Variants in TRAPPC9 observed in about 807,000 individuals in gnomAD.
TRAPPC9 encodes IKK2 binding protein.
In TRAPPC9, 83 loss-of-function variants were observed where a neutral mutation model predicts 124.0. The ratio of observed to expected loss-of-function variants is 0.67; its 90% CI spans 0.56 to 0.80. The LOEUF (loss-of-function observed/expected upper bound fraction) is 0.80. Ranked by LOEUF, TRAPPC9 falls within the 30% of genes least tolerant of loss-of-function variation. The probability of loss-of-function intolerance (pLI) is 0.00; values close to 1 mark genes in which losing one functional copy is unlikely to be tolerated. For synonymous variants in TRAPPC9, 638 were observed against 617.5 expected (o/e 1.03, Z -0.49); for missense variants, 1,302 against 1,508.3 (o/e 0.86, Z 2.27).
chr8:139,887,408 A>G (rs747692212), intron 20 of TRAPPC9, among the ~76,000 whole-genome samples: 18 of 151,930 alleles, frequency 1.2e-4, no homozygotes, highest in Non-Finnish European at 2.5e-4. Context: ...TTTTTAGTAG[A>G]GATGGGGTTT....
At chr8:140,249,009 A>G (rs2064055055) in intron 16 of TRAPPC9, among the ~76,000 whole-genome samples, 1 of 140,028 alleles carries the variant, frequency 7.1e-6, no homozygotes, top group Non-Finnish European at 1.5e-5. Flanking sequence ...CTCTTTATCT[A>G]AAGCCAACTT....
chr8:139,826,726 G>A (rs557756324), intron 21 of TRAPPC9, among the ~76,000 whole-genome samples: 33 of 152,262 alleles, frequency 2.2e-4, no homozygotes, highest in South Asian at 6.2e-4. Flanking sequence ...TGGGGACGCC[G>A]GGGGAAAAGC....
chr8:140,120,792 ACATC>A (rs1281501721), intron 17 of TRAPPC9, among the ~76,000 whole-genome samples: 2 of 142,086 alleles, frequency 1.4e-5, no homozygotes, highest in Non-Finnish European at 3.1e-5. Context: ...CATCCATCCA[ACATC>A]CATCCATCCA....
At chr8:139,815,810 G>A (rs1442062951) in intron 21 of TRAPPC9, among the ~76,000 whole-genome samples, 4 of 152,372 alleles carry the variant, frequency 2.6e-5, no homozygotes, top group Middle Eastern at 6.8e-3. Flanking sequence ...ACCAGCAGGG[G>A]AACACACACA....
chr8:140,322,902 C>T (rs2131952788), intron 9 of TRAPPC9, among the ~76,000 whole-genome samples: 1 of 152,334 alleles, frequency 6.6e-6, no homozygotes, highest in South Asian at 2.1e-4. Context: ...AAAATATCTA[C>T]TTGGCCTTTG....
chr8:140,332,987 A>G (rs906054691), intron 9 of TRAPPC9, among the ~76,000 whole-genome samples: 6 of 152,128 alleles, frequency 3.9e-5, no homozygotes, highest in Admixed American at 2.0e-4. Context: ...TTAGCCGGAC[A>G]CAGTGGCACA....
At chr8:140,208,956 T>A (rs1236739306) in intron 17 of TRAPPC9, among the ~76,000 whole-genome samples, 1 of 152,212 alleles carries the variant, frequency 6.6e-6, no homozygotes, top group Non-Finnish European at 1.5e-5. Context: ...AGAGTATGTG[T>A]GGATTTGGGT....
chr8:139,848,678 G>A (rs1029091596), intron 21 of TRAPPC9, among the ~76,000 whole-genome samples: 5 of 152,080 alleles, frequency 3.3e-5, no homozygotes, highest in African/African-American at 9.7e-5. Flanking sequence ...CCCAGCTCCC[G>A]AAATAGAAGC....
chr8:139,900,664 T>C (rs1030100355), intron 20 of TRAPPC9, among the ~76,000 whole-genome samples: 2 of 152,180 alleles, frequency 1.3e-5, no homozygotes, highest in African/African-American at 4.8e-5. Context: ...TCCAAATCTT[T>C]GAAAAACACA....
At position 139,813,581 on chromosome 8, in the gene TRAPPC9, G is replaced by T. The variant is rs575014177; in HGVS notation, c.3055+72298C>A. On this transcript the variant is annotated intron_variant, in intron 21 of 22. Coordinates refer to ENST00000438773, the MANE Select transcript of TRAPPC9 (RefSeq NM_001160372.4). ...TTCCCAGCACCTTGGCAGCAGCACC[G>T]GGTGGGGAGAGGCAAACAGCTCACC... is the stretch of plus-strand genomic sequence containing the variant. Among the ~76,000 whole-genome samples, 28 of 152,354 alleles carry T rather than the reference G, an allele frequency of 1.8e-4. No individual in the cohort carries two copies. The South Asian group carries it at 2.1e-3, about 11-fold the overall frequency.
At chr8:140,204,452 A>T (rs1461652325) in intron 17 of TRAPPC9, among the ~76,000 whole-genome samples, 1 of 125,082 alleles carries the variant, frequency 8.0e-6, no homozygotes, top group Non-Finnish European at 1.6e-5. Flanking sequence ...GATGGGGAAC[A>T]TCACACACCG....
At chr8:140,307,529 A>G (rs959226420) in intron 10 of TRAPPC9, among the ~76,000 whole-genome samples, 9 of 152,224 alleles carry the variant, frequency 5.9e-5, no homozygotes, top group Admixed American at 5.2e-4. Context: ...AAAGATGTCC[A>G]GTCAAGTTCC....
At chr8:140,051,058 G>C (rs1841969082) in intron 17 of TRAPPC9, among the ~76,000 whole-genome samples, 2 of 152,222 alleles carry the variant, frequency 1.3e-5, no homozygotes, top group Non-Finnish European at 2.9e-5. Flanking sequence ...TTCCGTACAA[G>C]GAATTAACAA....
At chr8:140,259,855 C>T (rs868228905) in intron 15 of TRAPPC9, among the ~76,000 whole-genome samples, 3 of 152,190 alleles carry the variant, frequency 2.0e-5, no homozygotes, top group African/African-American at 7.2e-5. Flanking sequence ...CTCAACAGTG[C>T]ATGAGGCAGA....
intron 9 of TRAPPC9, among the ~76,000 whole-genome samples, chr8:140,355,163 G>A (rs1310844411): frequency 6.6e-6 from 1 of 152,136 alleles, no homozygotes; most frequent in Admixed American, 6.5e-5. Context: ...CAATCACAGT[G>A]TGCGTCCCCT....
At chr8:140,382,734 C>T (rs1377090019) in intron 7 of TRAPPC9, among the ~76,000 whole-genome samples, 1 of 152,208 alleles carries the variant, frequency 6.6e-6, no homozygotes, top group East Asian at 1.9e-4. Context: ...CCTCTGGGGA[C>T]AGGGCATAGC....
chr8:140,397,536 A>T, intron 7 of TRAPPC9, 84 bp downstream of exon 7: 1 of 1,554,144 alleles, frequency 6.4e-7, no homozygotes, highest in South Asian at 1.1e-5. Flanking sequence ...GAACCTCAGC[A>T]AAACGAAATA....
chr8:139,938,341 G>C (rs1162986048), intron 19 of TRAPPC9, among the ~76,000 whole-genome samples: 1 of 152,128 alleles, frequency 6.6e-6, no homozygotes, highest in African/African-American at 2.4e-5. Flanking sequence ...CTGGAGTGCA[G>C]TGGCGCGATC....
At chr8:140,056,032 C>T (rs1587608289) in intron 17 of TRAPPC9, among the ~76,000 whole-genome samples, 1 of 151,866 alleles carries the variant, frequency 6.6e-6, no homozygotes, top group African/African-American at 2.4e-5. Flanking sequence ...CCCAGAACAG[C>T]CAAAACCATC....
Sources: gnomAD v4.1 joint callset for allele counts (sites outside exome capture counted in the v4.1 genomes callset) on GRCh38, gnomAD v4.1.1 for gene constraint, MANE v1.5 for transcripts, NCBI Gene and HGNC (gene_info 2026-07-23, HGNC 2026-07-21) for gene names.